CSMD1: variants seen among roughly 807,000 people sequenced by gnomAD.
CSMD1 encodes the protein CUB and sushi domain-containing protein 1.
In CSMD1, 213 loss-of-function variants were observed where a neutral mutation model predicts 417.5. That is an observed-to-expected ratio of 0.51 (90% CI 0.46 to 0.57). The LOEUF is 0.57. Ranked by LOEUF, CSMD1 falls within the 20% of genes least tolerant of loss-of-function variation. The pLI, the probability that CSMD1 is intolerant of heterozygous loss-of-function variation, is 0.00. For missense variants in CSMD1, 6,923 were observed against 4,529.7 expected (o/e 1.53, Z -15.17); for synonymous variants, 2,862 against 1,736.8 (o/e 1.65, Z -16.11).
At chr8:3,094,544 G>A (rs1185973515) in intron 47 of CSMD1, among the ~76,000 whole-genome samples, 1 of 152,044 alleles carries the variant, frequency 6.6e-6, no homozygotes, top group Non-Finnish European at 1.5e-5. Context: ...AAACCAGCAC[G>A]GCAGTAAAGG....
At chr8:3,417,388 A>G (rs1214258804) in intron 12 of CSMD1, among the ~76,000 whole-genome samples, 1 of 152,248 alleles carries the variant, frequency 6.6e-6, no homozygotes, top group Non-Finnish European at 1.5e-5. Context: ...TAGCAGACCA[A>G]AACTCTTATT....
chr8:3,218,114 G>T (rs1466320629), intron 29 of CSMD1, among the ~76,000 whole-genome samples: 3 of 152,144 alleles, frequency 2.0e-5, no homozygotes, highest in African/African-American at 7.2e-5. Context: ...GATGTTAGTG[G>T]CAGGGAATGG....
At chr8:4,465,218 C>A (rs1202706962) in intron 2 of CSMD1, among the ~76,000 whole-genome samples, 1 of 152,128 alleles carries the variant, frequency 6.6e-6, no homozygotes, top group Non-Finnish European at 1.5e-5. Context: ...ATAAAGTATA[C>A]ACATTTGCTC....
chr8:3,240,632 C>T (rs1205326353), intron 26 of CSMD1, among the ~76,000 whole-genome samples: 1 of 151,862 alleles, frequency 6.6e-6, no homozygotes, highest in African/African-American at 2.4e-5. Context: ...GTGTCAGGGT[C>T]AGTCCAAGAG....
chr8:4,802,546 A>G (rs1798359798), intron 1 of CSMD1, among the ~76,000 whole-genome samples: 3 of 152,208 alleles, frequency 2.0e-5, no homozygotes, highest in South Asian at 2.1e-4. Flanking sequence ...TTGAAACTTT[A>G]TAATTTCAAA....
At chr8:3,351,885 T>A (rs900888660) in intron 21 of CSMD1, among the ~76,000 whole-genome samples, 5 of 152,110 alleles carry the variant, frequency 3.3e-5, no homozygotes, top group Admixed American at 1.3e-4. Flanking sequence ...AATCACATTT[T>A]TAAAAATTTA....
chr8:4,920,497 G>A (rs952137718), intron 1 of CSMD1, among the ~76,000 whole-genome samples: 22 of 152,092 alleles, frequency 1.4e-4, no homozygotes, highest in Non-Finnish European at 8.8e-5. Context: ...AGGAATCAAG[G>A]ATTTAGTTAC....
chr8:3,249,287 T>C (rs1415105477), intron 26 of CSMD1, among the ~76,000 whole-genome samples: 2 of 151,970 alleles, frequency 1.3e-5, no homozygotes, highest in African/African-American at 4.8e-5. Context: ...AGCGGCGTGA[T>C]CTCAGTTCAC....
intron 3 of CSMD1, among the ~76,000 whole-genome samples, chr8:4,372,807 T>C (rs1313528182): frequency 1.2e-4 from 18 of 151,140 alleles, no homozygotes; most frequent in Admixed American, 1.2e-3. Context: ...GAGTGCATAC[T>C]GATAAAAATA....
chr8:4,118,330 T>C (rs1212864661), intron 3 of CSMD1, among the ~76,000 whole-genome samples: 5 of 151,198 alleles, frequency 3.3e-5, no homozygotes, highest in East Asian at 3.9e-4. Context: ...AACTTAAAAA[T>C]AGAAGCTTTG....
At chr8:3,314,667 A>G (rs117419334) in intron 23 of CSMD1, among the ~76,000 whole-genome samples, 252 of 152,372 alleles carry the variant, frequency 1.7e-3, no homozygotes, top group Non-Finnish European at 2.9e-3. Flanking sequence ...AACAAGCTCC[A>G]AACATTCAGC....
chr8:4,032,134 G>C (rs762796596), intron 3 of CSMD1, 35 bp from the exon 4 acceptor site: 13 of 1,536,320 alleles, frequency 8.5e-6, no homozygotes, highest in East Asian at 4.6e-5. Flanking sequence ...GAAAAAACAA[G>C]TTAAATTTTC....
intron 7 of CSMD1, among the ~76,000 whole-genome samples, chr8:3,641,906 C>G (rs1274818235): frequency 6.6e-6 from 1 of 152,182 alleles, no homozygotes; most frequent in Non-Finnish European, 1.5e-5. Flanking sequence ...TGTGTGGAAA[C>G]TAATTCTGAT....
intron 37 of CSMD1, among the ~76,000 whole-genome samples, chr8:3,165,659 C>G (rs937251912): frequency 5.9e-5 from 9 of 151,998 alleles, no homozygotes; most frequent in Admixed American, 2.0e-4. Context: ...GTCTTGAACT[C>G]CTGACCTCGT....
chr8:3,519,523 G>C (rs1224990474), intron 10 of CSMD1, among the ~76,000 whole-genome samples: 1 of 152,122 alleles, frequency 6.6e-6, no homozygotes, highest in African/African-American at 2.4e-5. Context: ...ATACAGCACA[G>C]TGTCAGAAAG....
At chr8:4,656,119 G>C (rs2130908093) in intron 1 of CSMD1, among the ~76,000 whole-genome samples, 2 of 152,194 alleles carry the variant, frequency 1.3e-5, no homozygotes, top group Middle Eastern at 6.8e-3. Context: ...AGTGTATCGT[G>C]TGTGTCAATG....
At chr8:3,927,929 T>C (rs80312486) in intron 5 of CSMD1, among the ~76,000 whole-genome samples, 6 of 152,100 alleles carry the variant, frequency 3.9e-5, no homozygotes, top group African/African-American at 1.4e-4. Flanking sequence ...AAATTCTTTG[T>C]TTTGTTAGAT....
chr8:4,924,036 T>C (rs1806686265), intron 1 of CSMD1, among the ~76,000 whole-genome samples: 1 of 152,204 alleles, frequency 6.6e-6, no homozygotes, highest in Non-Finnish European at 1.5e-5. Flanking sequence ...CATCTCAGCT[T>C]GCTTGAAGTC....
Position 3,471,348 on chromosome 8 carries a change from C to A in CSMD1, c.1449-2524G>T, listed in dbSNP as rs73660040. Among the ~76,000 whole-genome samples, 409 of 152,252 alleles carry A rather than the reference C, an allele frequency of 2.7e-3. 4 individuals carry two copies. The highest frequency in any genetic ancestry group is 6.0e-3 in the African/African-American group (250 of 41,542). ...CTCTTGATATATTGTAGTACAGATACCAGTCCTTGTCAGAAATTAGCAGTT... is the reference window on the plus strand; with the variant it reads ...CTCTTGATATATTGTAGTACAGATAACAGTCCTTGTCAGAAATTAGCAGTT... On this transcript the variant is annotated intron_variant, in intron 11 of 69. Transcript: ENST00000635120.
Sources: allele counts gnomAD v4.1 joint callset (sites outside exome capture counted in the v4.1 genomes callset), GRCh38; gene constraint gnomAD v4.1.1; transcripts MANE v1.5; gene names NCBI Gene and HGNC (gene_info 2026-07-23, HGNC 2026-07-21).